EVC2: variants seen among roughly 807,000 people sequenced by gnomAD.
EVC2 encodes the protein EvC ciliary complex subunit 2, also known as limbin.
Under a neutral mutation model 149.3 loss-of-function variants are expected in EVC2, and 148 were observed. The ratio of observed to expected loss-of-function variants is 0.99; its 90% confidence interval spans 0.87 to 1.14. The LOEUF is 1.14. EVC2 is among the 50% of genes most tolerant of loss of function. EVC2 has a pLI of 0.00. For synonymous variants in EVC2, 776 were observed against 649.9 expected (o/e 1.19, Z -2.95); for missense variants, 1,854 against 1,627.3 (o/e 1.14, Z -2.40).
chr4:5,543,579 G>T (rs142723190), intron 21 of EVC2, among the ~76,000 whole-genome samples: 3 of 152,182 alleles, frequency 2.0e-5, no homozygotes, highest in Non-Finnish European at 2.9e-5. Context: ...CCAACAGGAG[G>T]TAAGGTGCCA....
chr4:5,625,748 C>T lies in EVC2; in HGVS notation c.2046+1G>A, dbSNP rs762947212. The T allele has an allele frequency of 6.2e-7, 1 of 1,614,110 alleles. No homozygotes were observed. Among genetic ancestry groups the T allele is most frequent in the Non-Finnish European group, 8.5e-7 (1 of 1,180,028 alleles). On this transcript the variant is annotated splice_donor_variant, in intron 13 of 21. Coordinates refer to ENST00000344408, the MANE Select transcript of EVC2 (RefSeq NM_147127.5). LOFTEE classifies it high-confidence loss of function. This position sits in a 1 kb window ranked among gnomAD's most constrained non-coding sequence, Gnocchi z 4.0. ...AATAAATAGCATCATGCCTTATATA[C>T]CTTTTGTAGCAACTCTCGTCTTCTC... is the stretch of plus-strand genomic sequence containing the variant.
intron 13 of EVC2, among the ~76,000 whole-genome samples, chr4:5,623,334 ATTTATTTTT>A (rs1395086745): frequency 1.1e-4 from 16 of 145,554 alleles, no homozygotes; most frequent in Non-Finnish European, 2.3e-4. Context: ...TATTTTATTT[ATTTATTTTT>A]TTTATTTTTT....
chr4:5,634,119 T>C (rs1716737233), intron 10 of EVC2, among the ~76,000 whole-genome samples: 1 of 152,232 alleles, frequency 6.6e-6, no homozygotes, highest in Non-Finnish European at 1.5e-5. Context: ...GTGCATCCTC[T>C]TGGCAACTCT....
intron 9 of EVC2, among the ~76,000 whole-genome samples, chr4:5,651,152 G>A (rs1191286805): frequency 1.3e-5 from 2 of 152,118 alleles, no homozygotes; most frequent in East Asian, 1.9e-4. Context: ...GATGATGGAT[G>A]TATGAATGGA....
chr4:5,672,866 C>G (rs925879706), intron 7 of EVC2, among the ~76,000 whole-genome samples: 4 of 152,182 alleles, frequency 2.6e-5, no homozygotes, highest in African/African-American at 9.7e-5. Flanking sequence ...ACACTGAAAA[C>G]TTGATGCTAA....
chr4:5,685,420 C>G lies in EVC2; in HGVS notation c.766G>C (p.Gly256Arg). Residue 256 changes from glycine (G) to arginine (R), a missense_variant, in exon 6 of 22, where the codon GGG (glycine) becomes CGG (arginine). Coordinates refer to ENST00000344408, the MANE Select transcript of EVC2 (RefSeq NM_147127.5). Reference protein sequence around the residue: ...ATLQAGDLGNGESLKLPAQLT... With the variant: ...ATLQAGDLGNRESLKLPAQLT... ...TGGGCAGGAAGCTTGAGGCTCTCCCCGTTCCCGAGGTCTCCAGCCTGGAGC... is the reference window on the plus strand; with the variant it reads ...TGGGCAGGAAGCTTGAGGCTCTCCCGGTTCCCGAGGTCTCCAGCCTGGAGC... The G allele has an allele frequency of 6.2e-7, 1 of 1,614,188 alleles. No individual in the cohort carries two copies. The highest frequency in any genetic ancestry group is 1.1e-5 in the South Asian group (1 of 91,080).
chr4:5,568,932 A>C (rs531340540), intron 19 of EVC2, among the ~76,000 whole-genome samples: 1 of 152,318 alleles, frequency 6.6e-6, no homozygotes, highest in Non-Finnish European at 1.5e-5. Flanking sequence ...AGGGTGATTC[A>C]AAATGAATGT....
chr4:5,556,996 C>T (rs1002968224), intron 21 of EVC2, among the ~76,000 whole-genome samples: 7 of 152,028 alleles, frequency 4.6e-5, no homozygotes, highest in East Asian at 3.9e-4. Context: ...TTTTAGTAAA[C>T]GTTTAAGGAA....
intron 7 of EVC2, among the ~76,000 whole-genome samples, chr4:5,680,554 G>A (rs1373772924): frequency 6.6e-6 from 1 of 152,160 alleles, no homozygotes; most frequent in Non-Finnish European, 1.5e-5. Flanking sequence ...TCACCCTAGA[G>A]AATCACCGAA....
chr4:5,704,757 G>A (rs57866487), intron 1 of EVC2, among the ~76,000 whole-genome samples: 2,080 of 152,236 alleles, frequency 0.014, 52 homozygotes, highest in African/African-American at 0.048. Flanking sequence ...CCAGGTTGGA[G>A]TGCAGTGGTG....
chr4:5,565,208 C>T, intron 21 of EVC2, 50 bp downstream of exon 21: 2 of 1,580,414 alleles, frequency 1.3e-6, no homozygotes, highest in East Asian at 2.2e-5. Flanking sequence ...GGCCCACAGG[C>T]AGCTTAGCTC....
At chr4:5,610,225 G>A (rs540870730) in intron 16 of EVC2, among the ~76,000 whole-genome samples, 3 of 152,264 alleles carry the variant, frequency 2.0e-5, no homozygotes, top group East Asian at 1.9e-4. Context: ...GAACTCACAT[G>A]TGGATGGCTC....
rs1722346059 is a variant in EVC2 at position 5,567,310 on chromosome 4, C to T, written c.3557+1134G>A. On this transcript the variant is annotated intron_variant, in intron 20 of 21. Coordinates refer to ENST00000344408, the MANE Select transcript of EVC2 (RefSeq NM_147127.5). The surrounding 1 kb of genome is among the most constrained non-coding windows in gnomAD (Gnocchi z 4.4). ...CACCCTCCCCCTCACCCTGGTCAGA[C>T]TCTATTCACCCTCAGCAGCGCTTCT... 6.6e-6 allele frequency among the ~76,000 whole-genome samples: 1 copy of T among 152,122 alleles called. No individual in the cohort carries two copies. The highest frequency in any genetic ancestry group is 1.5e-5 in the Non-Finnish European group (1 of 68,002).
chr4:5,666,969 T>G (rs1035265041), intron 7 of EVC2, among the ~76,000 whole-genome samples: 3 of 152,208 alleles, frequency 2.0e-5, no homozygotes, highest in Admixed American at 6.5e-5. Flanking sequence ...GATGGTGCCA[T>G]TCTACTGTCT....
intron 1 of EVC2, among the ~76,000 whole-genome samples, chr4:5,699,158 G>A: frequency 6.6e-6 from 1 of 152,154 alleles, no homozygotes; most frequent in Non-Finnish European, 1.5e-5. Context: ...CGGAGGAAAT[G>A]ATGGAAATTG....
At chr4:5,630,811 T>G in intron 11 of EVC2, among the ~76,000 whole-genome samples, 1 of 152,164 alleles carries the variant, frequency 6.6e-6, no homozygotes, top group East Asian at 1.9e-4. Context: ...GTCTAAAGAA[T>G]GACATTTGCA....
chr4:5,706,445 G>GATAGATACATAGATAGATAC (rs1722194190), intron 1 of EVC2, among the ~76,000 whole-genome samples: 6 of 25,766 alleles, frequency 2.3e-4, no homozygotes, highest in African/African-American at 1.0e-3. Flanking sequence ...TAGATAGATA[G>GATAGATACATAGATAGATAC]ATACATACAT....
chr4:5,595,097 G>A (rs887405981), intron 16 of EVC2, among the ~76,000 whole-genome samples: 4 of 152,214 alleles, frequency 2.6e-5, no homozygotes, highest in African/African-American at 7.2e-5. Flanking sequence ...TCTGATTGGT[G>A]TACGTGAACA....
chr4:5,539,772 CAA>C (rs1161411737), downstream of EVC2, among the ~76,000 whole-genome samples: 186 of 131,088 alleles, frequency 1.4e-3, no homozygotes, highest in African/African-American at 6.0e-3. Flanking sequence ...CCATATACTA[CAA>C]AAACACACAC....
Sources: gnomAD v4.1 joint callset for allele counts (sites outside exome capture counted in the v4.1 genomes callset) on GRCh38, gnomAD v4.1.1 for gene constraint, Gnocchi (gnomAD v3.1) non-coding constraint, MANE v1.5 for transcripts, NCBI Gene and HGNC (gene_info 2026-07-23, HGNC 2026-07-21) for gene names.